The following RBFOX1 variants were observed in gnomAD, a reference collection of about 807,000 sequenced individuals.
RBFOX1 encodes RNA binding fox-1 homolog 1, also known as RNA binding protein fox-1 homolog 1.
In RBFOX1, 8 loss-of-function variants were observed where a neutral mutation model predicts 57.7. The observed-to-expected ratio is 0.14, with a 90% confidence interval of 0.08 to 0.25. The LOEUF is 0.25. RBFOX1 is among the 10% of genes least tolerant of loss of function. RBFOX1 has a pLI of 1.00. For synonymous variants in RBFOX1, 326 were observed against 222.4 expected, an observed-to-expected ratio of 1.47 and a Z score of -4.15; for missense variants, 611 against 548.5, an observed-to-expected ratio of 1.11 and a Z score of -1.14.
At chr16:5,323,299 C>A (rs867603915) in intron 1 of RBFOX1, among the ~76,000 whole-genome samples, 1 of 152,212 alleles carries the variant, frequency 6.6e-6, no homozygotes, top group East Asian at 1.9e-4. Flanking sequence ...TTCTTTCTTT[C>A]CTTTCTCCTC....
intron 2 of RBFOX1, among the ~76,000 whole-genome samples, chr16:6,475,993 G>A (rs2153087005): frequency 6.6e-6 from 1 of 152,196 alleles, no homozygotes; most frequent in South Asian, 2.1e-4. Context: ...AGAAATGTTA[G>A]GTGGGCATAA....
chr16:5,671,741 C>T lies in RBFOX1; in HGVS notation c.318+72780C>T, dbSNP rs142502430. On this transcript the variant is annotated intron_variant, in intron 3 of 19. Coordinates refer to the RBFOX1 transcript ENST00000641259. Reference sequence around the variant, plus strand: ...GTTATTTTAGGAGCTAATGCTTTTGCTAATTCAGAGCTGCCCAGAGAGAGG... The same window carrying T: ...GTTATTTTAGGAGCTAATGCTTTTGTTAATTCAGAGCTGCCCAGAGAGAGG... Among the ~76,000 whole-genome samples, 1,364 of 152,300 alleles carry T rather than the reference C, an allele frequency of 9.0e-3. 9 individuals carry two copies. Among genetic ancestry groups the T allele is most frequent in the Non-Finnish European group, 0.016 (1,060 of 68,018 alleles).
intron 4 of RBFOX1, among the ~76,000 whole-genome samples, chr16:7,324,204 G>C (rs1180552399): frequency 6.6e-6 from 1 of 152,130 alleles, no homozygotes; most frequent in African/African-American, 2.4e-5. Flanking sequence ...AGTATGCCTT[G>C]CAAGATGCCA....
chr16:5,867,910 C>T (rs1001167719), intron 4 of RBFOX1, among the ~76,000 whole-genome samples: 1 of 152,034 alleles, frequency 6.6e-6, no homozygotes, highest in African/African-American at 2.4e-5. Flanking sequence ...CAGGGTTTCA[C>T]CATGTTGACC....
intron 3 of RBFOX1, among the ~76,000 whole-genome samples, chr16:6,943,893 C>A (rs963268414): frequency 2.6e-5 from 4 of 152,196 alleles, no homozygotes; most frequent in East Asian, 3.9e-4. Flanking sequence ...TACATCACTT[C>A]CCTTTTTTCG....
At chr16:7,531,412 A>C (rs1213409406) in intron 5 of RBFOX1, among the ~76,000 whole-genome samples, 1 of 152,206 alleles carries the variant, frequency 6.6e-6, no homozygotes, top group African/African-American at 2.4e-5. Flanking sequence ...TTGAATTTTT[A>C]CAGCATCCAG....
chr16:7,192,783 G>C (rs1407102738), intron 4 of RBFOX1, among the ~76,000 whole-genome samples: 2 of 152,158 alleles, frequency 1.3e-5, no homozygotes, highest in African/African-American at 4.8e-5. Flanking sequence ...GAGTCTAAAA[G>C]CATTTCAAAA....
chr16:5,401,110 A>AT (rs149053911), intron 1 of RBFOX1, among the ~76,000 whole-genome samples: 4,158 of 152,006 alleles, frequency 0.027, 198 homozygotes, highest in African/African-American at 0.095. Context: ...TTTCTTTGTG[A>AT]TTTTTTCCCT....
chr16:5,905,627 C>G (rs990833708), intron 4 of RBFOX1, among the ~76,000 whole-genome samples: 2 of 152,056 alleles, frequency 1.3e-5, no homozygotes, highest in Non-Finnish European at 2.9e-5. Context: ...CCTAGGAGGT[C>G]AAGGCTGCAG....
chr16:6,438,744 A>T (rs1287773835), intron 2 of RBFOX1, among the ~76,000 whole-genome samples: 1 of 152,164 alleles, frequency 6.6e-6, no homozygotes, highest in Non-Finnish European at 1.5e-5. Context: ...TAAGAGCCTC[A>T]CCATGCATAT....
intron 1 of RBFOX1, among the ~76,000 whole-genome samples, chr16:6,070,383 C>A (rs946940424): frequency 1.3e-5 from 2 of 152,176 alleles, no homozygotes; most frequent in African/African-American, 4.8e-5. Context: ...TCATACACTT[C>A]AGATTATCTG....
chr16:6,307,880 A>G (rs1381394464), intron 1 of RBFOX1, among the ~76,000 whole-genome samples: 1 of 141,842 alleles, frequency 7.1e-6, no homozygotes, highest in Non-Finnish European at 1.5e-5. Flanking sequence ...GATAATTTAT[A>G]TTATTTATAT....
At chr16:6,908,890 G>A (rs1179094045) in intron 3 of RBFOX1, among the ~76,000 whole-genome samples, 1 of 152,072 alleles carries the variant, frequency 6.6e-6, no homozygotes, top group Admixed American at 6.5e-5. Flanking sequence ...AACAATGCTA[G>A]GCACATCCTA....
At chr16:7,487,319 G>C (rs773420805) in intron 4 of RBFOX1, among the ~76,000 whole-genome samples, 1 of 152,014 alleles carries the variant, frequency 6.6e-6, no homozygotes, top group African/African-American at 2.4e-5. Context: ...TCACTGTCTT[G>C]CTCCACGCCC....
At chr16:5,605,750 G>A (rs992186487) in intron 3 of RBFOX1, among the ~76,000 whole-genome samples, 1 of 152,028 alleles carries the variant, frequency 6.6e-6, no homozygotes, top group Non-Finnish European at 1.5e-5. Context: ...AATAATGTCT[G>A]CCTTGGGTAC....
At chr16:6,604,145 C>T (rs1000477536) in intron 2 of RBFOX1, among the ~76,000 whole-genome samples, 6 of 151,942 alleles carry the variant, frequency 3.9e-5, no homozygotes, top group Non-Finnish European at 8.8e-5. Context: ...AGCATCCCCT[C>T]GCCTTGGCAG....
chr16:6,861,748 C>G (rs892043487), intron 3 of RBFOX1, among the ~76,000 whole-genome samples: 1 of 150,140 alleles, frequency 6.7e-6, no homozygotes, highest in Non-Finnish European at 1.5e-5. Context: ...TTTGAAAACC[C>G]TATTGATAAT....
intron 2 of RBFOX1, among the ~76,000 whole-genome samples, chr16:5,521,934 G>A (rs1450376007): frequency 6.6e-6 from 1 of 152,208 alleles, no homozygotes; most frequent in Non-Finnish European, 1.5e-5. Flanking sequence ...TGCCCTGGAG[G>A]AGTCAGATTA....
intron 1 of RBFOX1, among the ~76,000 whole-genome samples, chr16:5,431,594 C>T (rs143428126): frequency 0.022 from 3,304 of 152,128 alleles, 53 homozygotes; most frequent in East Asian, 0.05. Flanking sequence ...AGGCTGGTCT[C>T]GAACTCCTGA....
Sources: gnomAD v4.1 joint callset for allele counts (sites outside exome capture counted in the v4.1 genomes callset) on GRCh38, gnomAD v4.1.1 for gene constraint, MANE v1.5 for transcripts, NCBI Gene and HGNC (gene_info 2026-07-23, HGNC 2026-07-21) for gene names.